Variants in TLE4 observed in about 807,000 individuals in gnomAD.
TLE4 encodes transducin-like enhancer protein 4.
In TLE4, 8 loss-of-function variants were observed where a neutral mutation model predicts 92.8. That is an observed-to-expected ratio of 0.09 (90% CI 0.05 to 0.16). The LOEUF is 0.16. TLE4 is among the 10% of genes least tolerant of loss of function. TLE4 has a pLI of 1.00. For synonymous variants in TLE4, 371 were observed against 374.1 expected, an observed-to-expected ratio of 0.99 and a Z score of 0.10; for missense variants, 675 against 997.6, an observed-to-expected ratio of 0.68 and a Z score of 4.36.
intron 6 of TLE4, among the ~76,000 whole-genome samples, chr9:79,630,469 C>T (rs1361223790): frequency 1.3e-5 from 2 of 152,096 alleles, no homozygotes; most frequent in African/African-American, 4.8e-5. Context: ...GTTGGTTTCC[C>T]ATCGTTGATA....
intron 8 of TLE4, among the ~76,000 whole-genome samples, chr9:79,703,910 A>C (rs974026818): frequency 7.2e-5 from 11 of 152,094 alleles, no homozygotes; most frequent in African/African-American, 2.4e-4. Flanking sequence ...TGGTTGCTCA[A>C]ATCCCCCAAA....
intron 4 of TLE4, among the ~76,000 whole-genome samples, chr9:79,601,810 T>G (rs1478460219): frequency 6.6e-6 from 1 of 152,170 alleles, no homozygotes; most frequent in Non-Finnish European, 1.5e-5. Context: ...ATCTCTCACT[T>G]TAAATCAAAA....
Position 79,576,193 on chromosome 9 carries a change from A to G in TLE4, c.252+16A>G, listed in dbSNP as rs747854500. 3 of 1,520,888 alleles carry G rather than the reference A, an allele frequency of 2.0e-6. No homozygotes were observed. Among genetic ancestry groups the G allele is most frequent in the South Asian group, 1.3e-5 (1 of 75,746 alleles). 94.2% of individuals were successfully genotyped at this position (1,520,888 alleles called of 1,614,324 possible). Reference sequence around the variant, plus strand: ...GCACAAGCAGGTAAGTTATTTCTTTATAACCATTTTAAATGACAGTAATAC... The same window carrying G: ...GCACAAGCAGGTAAGTTATTTCTTTGTAACCATTTTAAATGACAGTAATAC... On this transcript the variant is annotated intron_variant, in intron 4 of 19. Coordinates refer to ENST00000376552, the MANE Select transcript of TLE4 (RefSeq NM_007005.6).
chr9:79,694,633 A>C (rs7857305), intron 8 of TLE4, among the ~76,000 whole-genome samples: 26,040 of 152,188 alleles, frequency 0.17, 2,576 homozygotes, highest in African/African-American at 0.26. Flanking sequence ...TACATAATAA[A>C]AATTTACGTA....
chr9:79,634,000 C>T (rs2055048094), intron 6 of TLE4, among the ~76,000 whole-genome samples: 1 of 152,100 alleles, frequency 6.6e-6, no homozygotes, highest in South Asian at 2.1e-4. Context: ...TCCTTCTACC[C>T]CAAAATGCAT....
intron 8 of TLE4, among the ~76,000 whole-genome samples, chr9:79,688,227 C>T (rs997819027): frequency 1.6e-4 from 25 of 152,114 alleles, no homozygotes. Context: ...TGGCCTTCTC[C>T]CCTTCAACCC....
In TLE4 at chr9:79,606,707, C is replaced by A. The variant is rs560570487; in HGVS notation, c.253-5949C>A. The stretch of plus-strand genomic sequence containing the variant: ...CATGTCTCTGCAAAGGACATGAACT[C>A]GTCTTTTTTTATGGCTGCATAGTAT... On this transcript the variant is annotated intron_variant, in intron 4 of 19. Transcript: ENST00000376552. 1.3e-4 allele frequency among the ~76,000 whole-genome samples: 20 copies of A among 152,198 alleles called. No individual in the cohort carries two copies. In the East Asian group the frequency reaches 3.9e-3, roughly 29 times the overall value.
intron 6 of TLE4, among the ~76,000 whole-genome samples, chr9:79,649,244 G>A (rs114974768): frequency 0.012 from 1,681 of 145,884 alleles, 38 homozygotes; most frequent in African/African-American, 0.04. Context: ...GTTTGGGTGT[G>A]CGAAGACAGG....
At chr9:79,599,709 C>T (rs569386572) in intron 4 of TLE4, among the ~76,000 whole-genome samples, 20 of 152,318 alleles carry the variant, frequency 1.3e-4, no homozygotes, top group Admixed American at 3.9e-4. Context: ...ATAAGAGACA[C>T]TTTTATGTAT....
intron 6 of TLE4, among the ~76,000 whole-genome samples, chr9:79,650,572 A>G (rs927925211): frequency 6.6e-6 from 1 of 152,186 alleles, no homozygotes; most frequent in African/African-American, 2.4e-5. Flanking sequence ...CTGTTAGGAA[A>G]TATAATTTTG....
At chr9:79,579,544 T>G (rs576810226) in intron 4 of TLE4, among the ~76,000 whole-genome samples, 2 of 152,350 alleles carry the variant, frequency 1.3e-5, no homozygotes, top group Admixed American at 6.5e-5. Context: ...TGTGAAAGCT[T>G]CTTCATTTGA....
chr9:79,612,587 T>G, intron 4 of TLE4, 69 bp from the exon 5 acceptor site: 2 of 1,343,644 alleles, frequency 1.5e-6, no homozygotes, highest in Non-Finnish European at 2.1e-6. Flanking sequence ...ATCATCCTGT[T>G]AATATTTGGG....
intron 14 of TLE4, among the ~76,000 whole-genome samples, chr9:79,714,628 A>G (rs2074106024): frequency 6.6e-6 from 1 of 152,168 alleles, no homozygotes; most frequent in African/African-American, 2.4e-5. Context: ...TTTCCTTTTC[A>G]AAACACTTCA....
chr9:79,579,680 GTA>G (rs965407235), intron 4 of TLE4, among the ~76,000 whole-genome samples: 255 of 151,870 alleles, frequency 1.7e-3, no homozygotes, highest in African/African-American at 5.3e-3. Flanking sequence ...GTGTGTGTGT[GTA>G]TATATATATG....
intron 6 of TLE4, among the ~76,000 whole-genome samples, chr9:79,630,009 T>C (rs2053756624): frequency 6.6e-6 from 1 of 152,180 alleles, no homozygotes; most frequent in Admixed American, 6.5e-5. Flanking sequence ...TTTTAGAATG[T>C]AGTCAGCAGT....
intron 6 of TLE4, among the ~76,000 whole-genome samples, chr9:79,643,192 G>A (rs770408715): frequency 7.2e-5 from 11 of 152,138 alleles, no homozygotes; most frequent in South Asian, 6.2e-4. Flanking sequence ...TAGATTTACC[G>A]GTTAACGTAT....
At chr9:79,657,118 C>G (rs113770892) in intron 8 of TLE4, among the ~76,000 whole-genome samples, 1 of 152,170 alleles carries the variant, frequency 6.6e-6, no homozygotes, top group Non-Finnish European at 1.5e-5. Context: ...AGAAACTAGA[C>G]CAGTGTGTGT....
At chr9:79,691,683 G>A (rs1027991167) in intron 8 of TLE4, among the ~76,000 whole-genome samples, 14 of 152,090 alleles carry the variant, frequency 9.2e-5, no homozygotes, top group African/African-American at 4.8e-5. Context: ...CTATGCATGT[G>A]TTATTCCCTC....
chr9:79,606,331 CT>C (rs35416123), intron 4 of TLE4, among the ~76,000 whole-genome samples: 36,055 of 95,868 alleles, frequency 0.38, 6,067 homozygotes, highest in African/African-American at 0.56. Context: ...TCCAGTCAGG[CT>C]TTTTTTTTTT....
Sources: allele counts gnomAD v4.1 joint callset (sites outside exome capture counted in the v4.1 genomes callset), GRCh38; gene constraint gnomAD v4.1.1; transcripts MANE v1.5; gene names NCBI Gene and HGNC (gene_info 2026-07-23, HGNC 2026-07-21).